The following NFIB variants were observed in gnomAD, a reference collection of about 807,000 sequenced individuals.
The protein encoded by NFIB is nuclear factor I B, also known as nuclear factor 1 B-type.
In NFIB, 11 loss-of-function variants were observed where a neutral mutation model predicts 61.5. The observed-to-expected ratio is 0.18, with a 90% CI of 0.11 to 0.30. The LOEUF (loss-of-function observed/expected upper bound fraction) is 0.30. Among genes scored for constraint, NFIB ranks in the 10% least tolerant of loss-of-function variants. The pLI is 1.00. For synonymous variants in NFIB, 260 were observed against 216.5 expected (o/e 1.20, Z -1.76); for missense variants, 471 against 608.9 (o/e 0.77, Z 2.38).
At chr9:14,167,543 A>G (rs2045014799) in intron 3 of NFIB, among the ~76,000 whole-genome samples, 1 of 152,144 alleles carries the variant, frequency 6.6e-6, no homozygotes. Flanking sequence ...AACAAAACAA[A>G]ACAAACAAAC....
chr9:14,135,902 T>C (rs1402163964), intron 6 of NFIB, among the ~76,000 whole-genome samples: 1 of 152,196 alleles, frequency 6.6e-6, no homozygotes, highest in Non-Finnish European at 1.5e-5. Flanking sequence ...CTTGAGCATA[T>C]TATTGTATTC....
chr9:14,405,194 C>CTA, the NFIB span, among the ~76,000 whole-genome samples: 10 of 152,318 alleles, frequency 6.6e-5, no homozygotes, highest in African/African-American at 2.4e-4. Context: ...ACCTTGAAGT[C>CTA]ACATTTAAAT....
At chr9:14,116,437 T>A in intron 8 of NFIB, 91 bp from the exon 9 acceptor site, 1 of 1,280,204 alleles carries the variant, frequency 7.8e-7, no homozygotes, top group South Asian at 2.1e-5. Context: ...ACTGTGTGGA[T>A]CCAGCACACT....
chr9:14,386,289 T>C (rs534432321), intron 1 of NFIB, among the ~76,000 whole-genome samples: 1 of 152,278 alleles, frequency 6.6e-6, no homozygotes, highest in Admixed American at 6.5e-5. Flanking sequence ...TTCCCAAATA[T>C]CTTAGTACCC....
chr9:14,449,160 T>G, the NFIB span, among the ~76,000 whole-genome samples: 1 of 152,244 alleles, frequency 6.6e-6, no homozygotes, highest in Non-Finnish European at 1.5e-5. Flanking sequence ...TATTTTCTAC[T>G]AATATTTAAT....
intron 2 of NFIB, among the ~76,000 whole-genome samples, chr9:14,299,413 T>C (rs976118096): frequency 6.6e-6 from 1 of 152,232 alleles, no homozygotes; most frequent in Non-Finnish European, 1.5e-5. Flanking sequence ...ATGAATACTA[T>C]TAAGTTGACT....
intron 2 of NFIB, among the ~76,000 whole-genome samples, chr9:14,181,192 T>C (rs908333753): frequency 1.1e-4 from 16 of 152,210 alleles, no homozygotes; most frequent in Non-Finnish European, 1.5e-5. Context: ...CCTGTTAGCT[T>C]AGATTTAATG....
Position 14,162,731 on chromosome 9 carries a change from G to C in NFIB, c.617-6838C>G, listed in dbSNP as rs186954069. On this transcript the variant is annotated intron_variant, in intron 3 of 10. Transcript: ENST00000380953. ...GAATCTGTTGCAGAGAAGACTCTTA[G>C]ATAACTCTGAATCGTGAATACTATT... 8.4e-4 allele frequency among the ~76,000 whole-genome samples: 128 copies of C among 152,126 alleles called. No individual in the cohort carries two copies. In the Middle Eastern group the frequency reaches 0.017, roughly 20 times the overall value.
At chr9:14,142,979 A>G (rs1208224938) in intron 6 of NFIB, among the ~76,000 whole-genome samples, 2 of 152,110 alleles carry the variant, frequency 1.3e-5, no homozygotes, top group African/African-American at 4.8e-5. Context: ...AAAATAATAC[A>G]AAGTAAAAAT....
intron 6 of NFIB, among the ~76,000 whole-genome samples, chr9:14,143,849 A>C (rs567392726): frequency 6.6e-6 from 1 of 152,280 alleles, no homozygotes; most frequent in African/African-American, 2.4e-5. Context: ...TTCTAAGAAC[A>C]AAAGGACTGC....
chr9:14,228,646 T>C (rs935450015), intron 2 of NFIB, among the ~76,000 whole-genome samples: 1 of 152,216 alleles, frequency 6.6e-6, no homozygotes, highest in Non-Finnish European at 1.5e-5. Flanking sequence ...TGCTTGCAAA[T>C]TGAGGTATGC....
In NFIB at chr9:14,313,504, T is replaced by C; in HGVS notation, c.8A>G (p.Tyr3Cys). 6.2e-7 allele frequency: 1 copy of C among 1,613,678 alleles called. No individual in the cohort carries two copies. Among genetic ancestry groups the C allele is most frequent in the East Asian group, 2.2e-5 (1 of 44,836 alleles). The part of the protein sequence containing the change: MM[Y>C]SPICLTQDEF... ...TACCTGAGTGAGACAGATGGGAGAA[T>C]ACATCATGACTTCGCCTTAAAACGC... The change falls in exon 1 of 11, where the codon TAT (tyrosine) becomes TGT (cysteine). Residue 3 changes from tyrosine to cysteine, a missense_variant. Physicochemically the swap from Tyr to Cys is radical, Grantham distance 194. Transcript: ENST00000380953. The surrounding 1 kb of genome is among the most constrained non-coding windows in gnomAD (Gnocchi z 4.5).
chr9:14,207,492 T>C (rs888943107), intron 2 of NFIB, among the ~76,000 whole-genome samples: 1 of 152,300 alleles, frequency 6.6e-6, no homozygotes, highest in Middle Eastern at 3.4e-3. Flanking sequence ...CTTTTGCCCA[T>C]AGCATGCCAC....
chr9:14,473,682 C>T, the NFIB span, among the ~76,000 whole-genome samples: 1 of 152,196 alleles, frequency 6.6e-6, no homozygotes, highest in Non-Finnish European at 1.5e-5. Context: ...AGGACAGTTC[C>T]ATGTGTATAC....
intron 2 of NFIB, among the ~76,000 whole-genome samples, chr9:14,256,725 G>A (rs1413605308): frequency 6.6e-6 from 1 of 152,170 alleles, no homozygotes; most frequent in Non-Finnish European, 1.5e-5. Flanking sequence ...AAAGTGACAA[G>A]ACCATTGGGT....
chr9:14,223,492 C>T (rs1480732521), intron 2 of NFIB, among the ~76,000 whole-genome samples: 5 of 152,086 alleles, frequency 3.3e-5, no homozygotes, highest in African/African-American at 1.2e-4. Flanking sequence ...ATTAGCATTC[C>T]AATTTTTTTT....
intron 10 of NFIB, among the ~76,000 whole-genome samples, chr9:14,101,415 A>G (rs572149322): frequency 2.0e-5 from 3 of 152,216 alleles, no homozygotes; most frequent in Admixed American, 2.0e-4. Context: ...TTGATTCTTT[A>G]AAATCTACTC....
intron 2 of NFIB, among the ~76,000 whole-genome samples, chr9:14,200,688 T>A (rs528687587): frequency 6.6e-6 from 1 of 152,236 alleles, no homozygotes; most frequent in Non-Finnish European, 1.5e-5. Context: ...TCTTGATGGC[T>A]ATCTCCTTCT....
chr9:14,321,072 G>A (rs1241433722), intron 1 of NFIB, among the ~76,000 whole-genome samples: 1 of 152,134 alleles, frequency 6.6e-6, no homozygotes, highest in East Asian at 1.9e-4. Flanking sequence ...AGCATCTTGT[G>A]TCAAAGTCGA....
Sources: allele counts gnomAD v4.1 joint callset (sites outside exome capture counted in the v4.1 genomes callset), GRCh38; gene constraint gnomAD v4.1.1; non-coding constraint Gnocchi (gnomAD v3.1); transcripts MANE v1.5; gene names NCBI Gene and HGNC (gene_info 2026-07-23, HGNC 2026-07-21).